The following MAGI2 variants were observed in gnomAD, a reference collection of about 807,000 sequenced individuals.
MAGI2 encodes the protein membrane associated guanylate kinase, WW and PDZ domain containing 2.
Under a neutral mutation model 133.3 loss-of-function variants are expected in MAGI2, and 35 were observed. The observed-to-expected ratio is 0.26, with a 90% CI of 0.20 to 0.35. The LOEUF is 0.35. MAGI2 is among the 10% of genes least tolerant of loss of function. The pLI is 1.00. For synonymous variants in MAGI2, 729 were observed against 710.6 expected (o/e 1.03, Z -0.41); for missense variants, 1,636 against 1,863.4 (o/e 0.88, Z 2.25).
chr7:78,249,354 C>T (rs1792139423), intron 10 of MAGI2, among the ~76,000 whole-genome samples: 1 of 152,096 alleles, frequency 6.6e-6, no homozygotes, highest in Admixed American at 6.6e-5. Context: ...AGTAATTCTA[C>T]TGGGTATATA....
intron 21 of MAGI2, among the ~76,000 whole-genome samples, chr7:78,048,562 C>A (rs1235927007): frequency 4.6e-5 from 7 of 152,018 alleles, no homozygotes; most frequent in Non-Finnish European, 1.0e-4. Flanking sequence ...TTTCTCACTA[C>A]CCCCCTAAAA....
chr7:78,669,358 A>T (rs1057300140), intron 2 of MAGI2, among the ~76,000 whole-genome samples: 24 of 152,074 alleles, frequency 1.6e-4, no homozygotes, highest in African/African-American at 5.8e-4. Context: ...ACACTCTCCC[A>T]AGACTAAACC....
chr7:78,309,649 T>A (rs1419733808), intron 9 of MAGI2, among the ~76,000 whole-genome samples: 2 of 152,092 alleles, frequency 1.3e-5, no homozygotes, highest in Non-Finnish European at 2.9e-5. Flanking sequence ...CAAACCTATA[T>A]GTGTATCCCC....
At chr7:78,396,009 A>G (rs943133414) in intron 6 of MAGI2, among the ~76,000 whole-genome samples, 1 of 152,208 alleles carries the variant, frequency 6.6e-6, no homozygotes, top group African/African-American at 2.4e-5. Context: ...TGCAGAAACC[A>G]CATGTTTGTC....
At chr7:79,162,051 T>G (rs1403826873) in intron 1 of MAGI2, among the ~76,000 whole-genome samples, 1 of 151,630 alleles carries the variant, frequency 6.6e-6, no homozygotes, top group Non-Finnish European at 1.5e-5. Context: ...AATTTATCTT[T>G]AATAGAAAAA....
At chr7:79,141,325 T>G (rs1280749234) in intron 1 of MAGI2, among the ~76,000 whole-genome samples, 1 of 152,184 alleles carries the variant, frequency 6.6e-6, no homozygotes, top group Non-Finnish European at 1.5e-5. Context: ...TCTTGGATTT[T>G]TCATATATTT....
intron 1 of MAGI2, among the ~76,000 whole-genome samples, chr7:79,215,447 C>T (rs1829942829): frequency 6.6e-6 from 1 of 151,862 alleles, no homozygotes; most frequent in Admixed American, 6.6e-5. Flanking sequence ...AAACATTTAC[C>T]ATCTATTCTC....
chr7:78,529,640 GC>G (rs1458435040), intron 3 of MAGI2, among the ~76,000 whole-genome samples: 4 of 79,004 alleles, frequency 5.1e-5, no homozygotes, highest in Non-Finnish European at 8.6e-5. Flanking sequence ...TTTTGTTTTT[GC>G]TTTTCTTTTC....
At chr7:78,384,256 C>T (rs1215525276) in intron 6 of MAGI2, among the ~76,000 whole-genome samples, 2 of 152,058 alleles carry the variant, frequency 1.3e-5, no homozygotes, top group Non-Finnish European at 2.9e-5. Context: ...GAGACTTTTT[C>T]AAGAAATATT....
intron 1 of MAGI2, among the ~76,000 whole-genome samples, chr7:79,182,574 T>C (rs928995544): frequency 6.6e-6 from 1 of 151,954 alleles, no homozygotes; most frequent in Non-Finnish European, 1.5e-5. Context: ...TGGACTCTTA[T>C]ACACTATTAG....
chr7:78,545,034 A>G (rs1030062632), intron 3 of MAGI2, among the ~76,000 whole-genome samples: 13 of 151,148 alleles, frequency 8.6e-5, no homozygotes, highest in African/African-American at 2.7e-4. Context: ...CTGCCTGCCT[A>G]TTCATTGTCT....
intron 2 of MAGI2, among the ~76,000 whole-genome samples, chr7:78,949,476 C>A (rs1198958956): frequency 6.6e-6 from 1 of 152,080 alleles, no homozygotes; most frequent in Non-Finnish European, 1.5e-5. Flanking sequence ...ATATCTAGCA[C>A]AATGGCCATT....
intron 2 of MAGI2, among the ~76,000 whole-genome samples, chr7:78,708,719 A>G (rs1266130261): frequency 6.6e-6 from 1 of 152,106 alleles, no homozygotes; most frequent in Non-Finnish European, 1.5e-5. Context: ...AATGCCTCCT[A>G]AGTGGTAAGC....
At chr7:78,562,651 A>G (rs761064249) in intron 3 of MAGI2, among the ~76,000 whole-genome samples, 1 of 152,126 alleles carries the variant, frequency 6.6e-6, no homozygotes, top group South Asian at 2.1e-4. Context: ...AGTGAAATAT[A>G]CTCCTTCAAG....
chr7:78,650,921 C>T (rs1295086942), intron 2 of MAGI2, among the ~76,000 whole-genome samples: 3 of 152,144 alleles, frequency 2.0e-5, no homozygotes, highest in African/African-American at 7.2e-5. Flanking sequence ...TGTCACCTCA[C>T]ACTGCAAAAC....
At chr7:78,978,007 C>CA (rs913775400) in intron 2 of MAGI2, among the ~76,000 whole-genome samples, 6 of 151,312 alleles carry the variant, frequency 4.0e-5, no homozygotes, top group African/African-American at 7.3e-5. Flanking sequence ...GGCTAAAATT[C>CA]AAAAAACTGA....
intron 7 of MAGI2, among the ~76,000 whole-genome samples, chr7:78,362,752 A>T (rs1792954054): frequency 6.6e-6 from 1 of 152,232 alleles, no homozygotes; most frequent in Non-Finnish European, 1.5e-5. Context: ...TTCAACTATA[A>T]AGTGGAGTTT....
At chr7:78,963,652 A>G (rs1259348862) in intron 2 of MAGI2, among the ~76,000 whole-genome samples, 2 of 152,000 alleles carry the variant, frequency 1.3e-5, no homozygotes, top group African/African-American at 4.8e-5. Context: ...CTTGAGCAGA[A>G]ATTGCTCAAA....
At chr7:78,370,415 T>C (rs1293545638) in intron 6 of MAGI2, among the ~76,000 whole-genome samples, 1 of 152,002 alleles carries the variant, frequency 6.6e-6, no homozygotes, top group Non-Finnish European at 1.5e-5. Context: ...TCATCATTTT[T>C]CTATTTTTGA....
Sources: allele counts gnomAD v4.1 joint callset (sites outside exome capture counted in the v4.1 genomes callset), GRCh38; gene constraint gnomAD v4.1.1; transcripts MANE v1.5; gene names NCBI Gene and HGNC (gene_info 2026-07-23, HGNC 2026-07-21).